CTCFL: variants seen among roughly 807,000 people sequenced by gnomAD.
CTCFL encodes the protein CCCTC-binding factor like.
Under a neutral mutation model 67.4 loss-of-function variants are expected in CTCFL, and 36 were observed. That is an observed-to-expected ratio of 0.53 (90% CI 0.41 to 0.71). The LOEUF (loss-of-function observed/expected upper bound fraction) is 0.71. Ranked by LOEUF, CTCFL falls within the 30% of genes least tolerant of loss-of-function variation. The probability of loss-of-function intolerance (pLI) is 0.00; values close to 1 mark genes in which losing one functional copy is unlikely to be tolerated. For missense variants in CTCFL, 786 were observed against 835.2 expected (o/e 0.94, Z 0.73); for synonymous variants, 324 against 302.3 (o/e 1.07, Z -0.75).
intron 1 of CTCFL, 105 bp from the exon 2 acceptor site, chr20:57,524,321 G>C: frequency 1.3e-6 from 2 of 1,510,284 alleles, no homozygotes; most frequent in Admixed American, 4.5e-5. Flanking sequence ...GTTGAAACAA[G>C]GTCTGGCCTC....
At chr20:57,512,554 T>G in intron 8 of CTCFL, 38 bp downstream of exon 8, 1 of 1,603,002 alleles carries the variant, frequency 6.2e-7, no homozygotes, top group Non-Finnish European at 8.5e-7. Context: ...CATTCTTCCA[T>G]ACACCACTGC....
At chr20:57,499,648 A>G in intron 10 of CTCFL, 2 of 193,874 alleles carry the variant, frequency 1.0e-5, no homozygotes, top group South Asian at 1.0e-4. Context: ...AATCAGTGGG[A>G]GCCCTGGGCT....
intron 3 of CTCFL, among the ~76,000 whole-genome samples, chr20:57,521,572 T>C (rs2069364377): frequency 2.6e-5 from 4 of 152,158 alleles, no homozygotes; most frequent in African/African-American, 9.7e-5. Context: ...CCTAAGTATA[T>C]ACGCAAAAGG....
chr20:57,523,114 T>C lies in CTCFL; in HGVS notation c.708A>G (p.Ala236=). The stretch of plus-strand genomic sequence containing the variant: ...TTGTAGATTTGGCCTTTTCAGCATC[T>C]GCTTGACCAGCTGTAGGTTGATCCT... ...EQEDQPTAGQ[A]DAEKAKSTKN... is the part of the protein sequence containing the mutation. Residue 236 remains alanine, a synonymous_variant, in exon 3 of 11, where the codon GCA becomes GCG. Coordinates refer to ENST00000243914, the MANE Select transcript of CTCFL (RefSeq NM_001386993.1). 2 of 1,614,000 alleles carry C rather than the reference T, an allele frequency of 1.2e-6. No individual in the cohort carries two copies. Among genetic ancestry groups the C allele is most frequent in the Non-Finnish European group, 1.7e-6 (2 of 1,179,994 alleles).
chr20:57,518,242 A>G (rs1270053723), intron 5 of CTCFL, among the ~76,000 whole-genome samples: 1 of 152,252 alleles, frequency 6.6e-6, no homozygotes. Context: ...CAAACCTGTT[A>G]GAAGGTACAA....
intron 3 of CTCFL, among the ~76,000 whole-genome samples, chr20:57,522,318 C>A (rs1410974228): frequency 6.6e-6 from 1 of 152,096 alleles, no homozygotes; most frequent in Non-Finnish European, 1.5e-5. Flanking sequence ...TTTAAAAGAG[C>A]TAGAAATTGA....
chr20:57,514,836 TCC>T, intron 6 of CTCFL, 95 bp from the exon 7 acceptor site: 1 of 1,346,010 alleles, frequency 7.4e-7, no homozygotes, highest in Non-Finnish European at 1.0e-6. Context: ...GCCCCAAGCC[TCC>T]TTTATCAACC....
chr20:57,508,457 C>A, intron 9 of CTCFL, 149 bp downstream of exon 9: 6 of 612,706 alleles, frequency 9.8e-6, no homozygotes, highest in South Asian at 8.8e-5. Context: ...TTTTAAAAAA[C>A]TAATAACCAC....
At chr20:57,506,198 G>T (rs2068199515) in intron 9 of CTCFL, among the ~76,000 whole-genome samples, 1 of 152,238 alleles carries the variant, frequency 6.6e-6, no homozygotes, top group African/African-American at 2.4e-5. Context: ...GACTCAAGAA[G>T]TCGTGGCAGA....
intron 9 of CTCFL, among the ~76,000 whole-genome samples, chr20:57,506,136 T>C (rs1478784805): frequency 6.6e-6 from 1 of 152,202 alleles, no homozygotes; most frequent in Non-Finnish European, 1.5e-5. Context: ...AACACAGCCA[T>C]GTCTATTCAT....
At chr20:57,524,610 G>C in intron 1 of CTCFL, 1 of 1,024,688 alleles carries the variant, frequency 9.8e-7, no homozygotes, top group South Asian at 3.9e-5. Flanking sequence ...TTTGGGCCCA[G>C]CAGGCTCTCG....
In CTCFL at chr20:57,515,825, A is replaced by T. The variant is rs1448411211; in HGVS notation, c.1069T>A (p.Leu357Met). 6.2e-7 allele frequency: 1 copy of T among 1,608,260 alleles called. No homozygotes were observed. Among genetic ancestry groups the T allele is most frequent in the African/African-American group, 1.3e-5 (1 of 74,582 alleles). Residue 357 changes from leucine (L) to methionine (M), a missense_variant, in exon 6 of 11, where the codon TTG (leucine) becomes ATG (methionine). By Grantham distance (15) the Leu-to-Met change is conservative. Around this residue, in one of 3 missense-constraint regions of CTCFL, gnomAD observed 254 missense variants for 333.9 expected, o/e 0.76. Transcript: ENST00000243914. The stretch of plus-strand genomic sequence containing the variant: ...GTGTGGGATCGGACATGGCGCTTCA[A>T]TTTACTTGCCTAATAAATACATAAA... ...CKYASVEASK[L>M]KRHVRSHTGE...
At chr20:57,504,943 T>C (rs1160398050) in intron 9 of CTCFL, among the ~76,000 whole-genome samples, 1 of 151,970 alleles carries the variant, frequency 6.6e-6, no homozygotes, top group Admixed American at 6.6e-5. Flanking sequence ...TAGCTTCTGC[T>C]TCCTTGGCAC....
At chr20:57,510,520 A>G (rs2146344218) in intron 8 of CTCFL, among the ~76,000 whole-genome samples, 1 of 152,344 alleles carries the variant, frequency 6.6e-6, no homozygotes, top group East Asian at 1.9e-4. Flanking sequence ...TGAAGTTCAA[A>G]TGTCACTAAG....
At chr20:57,511,221 G>A (rs2068530740) in intron 8 of CTCFL, among the ~76,000 whole-genome samples, 1 of 151,786 alleles carries the variant, frequency 6.6e-6, no homozygotes, top group Non-Finnish European at 1.5e-5. Flanking sequence ...GTATTTTTTT[G>A]TAGAGACAGG....
In CTCFL at chr20:57,497,458, G is replaced by T; in HGVS notation, c.*1092C>A. The T allele has an allele frequency of 1.0e-6, 1 of 985,392 alleles. No homozygotes were observed. The highest frequency in any genetic ancestry group is 1.7e-5 in the African/African-American group (1 of 57,346). 61.0% of individuals were successfully genotyped at this position (985,392 alleles called of 1,614,324 possible). On this transcript the variant is annotated 3_prime_UTR_variant, in exon 11 of 11. Transcript: ENST00000243914. ...GAATTTGAATTTAGGGCTTATCAAT[G>T]ATCTTGAAATACAGGGGTGGAGACA...
At chr20:57,512,926 G>C (rs2068660181) in intron 7 of CTCFL, among the ~76,000 whole-genome samples, 174 bp from the exon 8 acceptor site, 1 of 152,126 alleles carries the variant, frequency 6.6e-6, no homozygotes, top group Non-Finnish European at 1.5e-5. Context: ...AGCATTCCTG[G>C]TGTCTGTCTA....
rs539705311 is a variant in CTCFL, at chr20:57,517,083, C to T, written c.1060-1249G>A. On this transcript the variant is annotated intron_variant, in intron 5 of 10. Coordinates refer to ENST00000243914, the MANE Select transcript of CTCFL (RefSeq NM_001386993.1). ...CTTAGAATGGAAAACAACAGCCAAG[C>T]CAAAAAATTTCACTTAGGTTTTCAG... Among the ~76,000 whole-genome samples the T allele has an allele frequency of 1.6e-4, 24 of 152,142 alleles. No individual in the cohort carries two copies. The South Asian group carries it at 4.8e-3, about 30-fold the overall frequency.
In CTCFL at chr20:57,515,765, A is replaced by G; in HGVS notation, c.1129T>C (p.Tyr377His). The G allele has an allele frequency of 6.2e-7, 1 of 1,614,178 alleles. No homozygotes were observed. Among genetic ancestry groups the G allele is most frequent in the Non-Finnish European group, 8.5e-7 (1 of 1,180,042 alleles). The change falls in exon 6 of 11, where the codon TAT (tyrosine) becomes CAT (histidine). Residue 377 changes from tyrosine (Y) to histidine (H), a missense_variant. By Grantham distance (83) the Tyr-to-His change is moderately conservative. Around this residue, in one of 3 missense-constraint regions of CTCFL, gnomAD observed 254 missense variants for 333.9 expected, o/e 0.76. Transcript: ENST00000243914. ...ERPFQCCQCS[Y>H]ASRDTYKLKR... The stretch of plus-strand genomic sequence containing the variant: ...AGCTTGTAGGTATCTCTGCTGGCAT[A>G]GCTGCACTGGCAACACTGAAAGGGG...
Sources: gnomAD v4.1 joint callset for allele counts (sites outside exome capture counted in the v4.1 genomes callset) on GRCh38, gnomAD v4.1.1 for gene constraint, gnomAD v4.1.1 regional missense constraint, MANE v1.5 for transcripts, NCBI Gene and HGNC (gene_info 2026-07-23, HGNC 2026-07-21) for gene names.